FXYD6: variants seen among roughly 807,000 people sequenced by gnomAD.
The protein encoded by FXYD6 is FXYD domain-containing ion transport regulator 6.
A neutral mutation model predicts 16.7 loss-of-function variants in FXYD6; 7 were observed. That is an observed-to-expected ratio of 0.42 (90% CI 0.24 to 0.79). The LOEUF is 0.79. Ranked by LOEUF, FXYD6 falls within the 30% of genes least tolerant of loss-of-function variation. The pLI, the probability that FXYD6 is intolerant of heterozygous loss-of-function variation, is 0.28. For synonymous variants in FXYD6, 49 were observed against 43.0 expected, an observed-to-expected ratio of 1.14 and a Z score of -0.54; for missense variants, 111 against 116.2, an observed-to-expected ratio of 0.95 and a Z score of 0.21.
chr11:117,842,902 G>T, intron 1 of FXYD6, 121 bp from the exon 2 acceptor site: 1 of 1,024,760 alleles, frequency 9.8e-7, no homozygotes, highest in Non-Finnish European at 1.4e-6. Context: ...CTCATGACTT[G>T]GTGAGGGTTC....
At chr11:117,850,295 C>A (rs1485455880) in intron 1 of FXYD6, among the ~76,000 whole-genome samples, 1 of 151,202 alleles carries the variant, frequency 6.6e-6, no homozygotes, top group Non-Finnish European at 1.5e-5. Flanking sequence ...GCAGAACAGA[C>A]CTGAAGCTGG....
chr11:117,876,437 G>T (rs975933156), intron 1 of FXYD6, among the ~76,000 whole-genome samples, 155 bp downstream of exon 1: 7 of 152,220 alleles, frequency 4.6e-5, no homozygotes, highest in Non-Finnish European at 1.5e-5. Context: ...CCGCTGCCCA[G>T]GCGGGGACCG....
At chr11:117,876,148 A>G (rs1158979099) in intron 1 of FXYD6, among the ~76,000 whole-genome samples, 7 of 152,022 alleles carry the variant, frequency 4.6e-5, no homozygotes, top group Non-Finnish European at 1.0e-4. Flanking sequence ...TGTGTCGCTC[A>G]TAAGTCCACA....
intron 1 of FXYD6, among the ~76,000 whole-genome samples, chr11:117,855,888 C>T (rs945853712): frequency 5.3e-5 from 8 of 152,220 alleles, no homozygotes; most frequent in African/African-American, 1.9e-4. Flanking sequence ...CCAACTCTTC[C>T]CCTCTAGACC....
At chr11:117,845,156 C>T (rs1489002618) in intron 1 of FXYD6, among the ~76,000 whole-genome samples, 2 of 152,204 alleles carry the variant, frequency 1.3e-5, no homozygotes, top group Non-Finnish European at 2.9e-5. Flanking sequence ...CCCCCGACTC[C>T]CCTTCCCTTC....
intron 1 of FXYD6, among the ~76,000 whole-genome samples, chr11:117,858,785 T>TTCCTTCCTTCCTTC (rs1435598476): frequency 1.0e-5 from 1 of 97,432 alleles, no homozygotes; most frequent in Non-Finnish European, 2.4e-5. Context: ...TCCTTCTTTC[T>TTCCTTCCTTCCTTC]TTTCTTTTTT....
At chr11:117,854,798 G>C (rs930918261) in intron 1 of FXYD6, among the ~76,000 whole-genome samples, 1 of 152,214 alleles carries the variant, frequency 6.6e-6, no homozygotes, top group Non-Finnish European at 1.5e-5. Context: ...CAGAGGAAAG[G>C]CATTCCGGTA....
At chr11:117,840,232 T>G (rs2056306429) in intron 6 of FXYD6, 87 bp downstream of exon 6, 1 of 1,576,134 alleles carries the variant, frequency 6.3e-7, no homozygotes. Flanking sequence ...TGGCTGGCCA[T>G]GCACCTGGCA....
chr11:117,862,923 C>T (rs2056940813), intron 1 of FXYD6, among the ~76,000 whole-genome samples: 1 of 152,110 alleles, frequency 6.6e-6, no homozygotes, highest in African/African-American at 2.4e-5. Flanking sequence ...TATTCCTGTT[C>T]CCTGCCCACA....
At chr11:117,855,349 G>A (rs2056700290) in intron 1 of FXYD6, among the ~76,000 whole-genome samples, 1 of 152,156 alleles carries the variant, frequency 6.6e-6, no homozygotes, top group Non-Finnish European at 1.5e-5. Context: ...CGGGAGCGGG[G>A]AGGAGGGGGG....
intron 1 of FXYD6, among the ~76,000 whole-genome samples, chr11:117,873,750 C>T (rs533789176): frequency 3.3e-5 from 5 of 152,224 alleles, no homozygotes; most frequent in East Asian, 1.9e-4. Flanking sequence ...GGGGAGATTT[C>T]GGTGGGTGGA....
chr11:117,852,695 A>C (rs773190782), intron 1 of FXYD6, among the ~76,000 whole-genome samples: 22 of 152,058 alleles, frequency 1.4e-4, no homozygotes, highest in Admixed American at 9.2e-4. Flanking sequence ...AAAAATTCTT[A>C]TCTCTTCAAA....
At chr11:117,874,834 T>C (rs1300263648) in intron 1 of FXYD6, among the ~76,000 whole-genome samples, 4 of 152,254 alleles carry the variant, frequency 2.6e-5, no homozygotes, top group Non-Finnish European at 5.9e-5. Flanking sequence ...ACTGGGGCTT[T>C]GAGGAGGAGG....
chr11:117,858,705 C>CCCT (rs2056816973), intron 1 of FXYD6, among the ~76,000 whole-genome samples: 1 of 94,280 alleles, frequency 1.1e-5, no homozygotes, highest in Non-Finnish European at 2.2e-5. Context: ...CTTTCTTTCT[C>CCCT]TCTCTCTCTC....
At chr11:117,867,913 C>CGGGCAGTGTAGCCAA (rs1249265356) in intron 1 of FXYD6, among the ~76,000 whole-genome samples, 39 of 152,264 alleles carry the variant, frequency 2.6e-4, no homozygotes, top group Non-Finnish European at 2.2e-4. Flanking sequence ...GCTCTAAACC[C>CGGGCAGTGTAGCCAA]GGGCAGTGTA....
At chr11:117,861,048 C>T (rs965841993) in intron 1 of FXYD6, among the ~76,000 whole-genome samples, 5 of 152,170 alleles carry the variant, frequency 3.3e-5, no homozygotes, top group Non-Finnish European at 7.4e-5. Context: ...TCTGTGGCCT[C>T]GGGAGCGTTA....
intron 1 of FXYD6, among the ~76,000 whole-genome samples, chr11:117,859,932 G>A (rs1299083998): frequency 6.6e-6 from 1 of 152,102 alleles, no homozygotes; most frequent in East Asian, 1.9e-4. Context: ...TTACCGCACA[G>A]CTGGGGTCAT....
chr11:117,841,083 A>G (rs1347950982), intron 5 of FXYD6, 65 bp downstream of exon 5: 3 of 1,603,074 alleles, frequency 1.9e-6, no homozygotes, highest in Non-Finnish European at 2.6e-6. Context: ...GGGGTCACAC[A>G]CCAGGGGTCC....
At chr11:117,854,934 C>T (rs1226368629) in intron 1 of FXYD6, among the ~76,000 whole-genome samples, 1 of 152,216 alleles carries the variant, frequency 6.6e-6, no homozygotes, top group Non-Finnish European at 1.5e-5. Context: ...TAGTAACTGT[C>T]CAAAGTGGCT....
Sources: allele counts gnomAD v4.1 joint callset (sites outside exome capture counted in the v4.1 genomes callset), GRCh38; gene constraint gnomAD v4.1.1; transcripts MANE v1.5; gene names NCBI Gene and HGNC (gene_info 2026-07-23, HGNC 2026-07-21).